PRKCB: variants seen among roughly 807,000 people sequenced by gnomAD.
PRKCB encodes the protein protein kinase C beta type.
PRKCB carries 13 observed loss-of-function variants against 81.5 expected under a neutral mutation model. The ratio of observed to expected loss-of-function variants is 0.16; its 90% CI spans 0.10 to 0.25. PRKCB has a LOEUF of 0.25. PRKCB is among the 10% of genes least tolerant of loss of function. The probability of loss-of-function intolerance (pLI) is 1.00; values close to 1 mark genes in which losing one functional copy is unlikely to be tolerated. For missense variants in PRKCB, 509 were observed against 875.7 expected (o/e 0.58, Z 5.29); for synonymous variants, 335 against 321.4 (o/e 1.04, Z -0.45).
chr16:24,176,928 A>G (rs1430244127), intron 12 of PRKCB, among the ~76,000 whole-genome samples: 1 of 151,832 alleles, frequency 6.6e-6, no homozygotes, highest in Non-Finnish European at 1.5e-5. Flanking sequence ...ATGATCCGCC[A>G]TATGACATGA....
chr16:24,172,588 G>A (rs1484401731), intron 11 of PRKCB, among the ~76,000 whole-genome samples: 1 of 152,066 alleles, frequency 6.6e-6, no homozygotes, highest in East Asian at 1.9e-4. Flanking sequence ...GCTCATACCT[G>A]TAATCTCAGT....
intron 3 of PRKCB, among the ~76,000 whole-genome samples, chr16:23,997,041 AC>A (rs1964966885): frequency 6.6e-6 from 1 of 152,132 alleles, no homozygotes; most frequent in South Asian, 2.1e-4. Flanking sequence ...TTTTCCCATG[AC>A]TTTATGCTCT....
At chr16:24,001,640 A>G (rs1965035635) in intron 3 of PRKCB, among the ~76,000 whole-genome samples, 1 of 152,276 alleles carries the variant, frequency 6.6e-6, no homozygotes, top group Non-Finnish European at 1.5e-5. Flanking sequence ...CCGAGAAAGA[A>G]ATGAAAACAT....
chr16:24,207,083 G>A (rs757360933), intron 16 of PRKCB, among the ~76,000 whole-genome samples: 18 of 152,138 alleles, frequency 1.2e-4, no homozygotes, highest in African/African-American at 2.4e-4. Context: ...GGCATGTGGC[G>A]TCATGCCCTG....
chr16:24,088,731 A>G (rs1024939307), intron 5 of PRKCB, among the ~76,000 whole-genome samples: 3 of 151,360 alleles, frequency 2.0e-5, no homozygotes, highest in Non-Finnish European at 4.4e-5. Context: ...AAAAAAAAAA[A>G]AAAAAATTGC....
chr16:23,973,564 T>C (rs932672670), intron 2 of PRKCB, among the ~76,000 whole-genome samples: 1 of 152,174 alleles, frequency 6.6e-6, no homozygotes, highest in African/African-American at 2.4e-5. Flanking sequence ...TACTTTATGG[T>C]TGAAAATAAC....
intron 2 of PRKCB, among the ~76,000 whole-genome samples, chr16:23,905,672 G>A (rs1264142646): frequency 5.3e-5 from 8 of 152,190 alleles, no homozygotes; most frequent in African/African-American, 2.4e-5. Context: ...CCAAGCATGT[G>A]CAACCTATGG....
intron 10 of PRKCB, among the ~76,000 whole-genome samples, chr16:24,172,002 C>T (rs1967448569): frequency 6.6e-6 from 1 of 152,186 alleles, no homozygotes; most frequent in South Asian, 2.1e-4. Context: ...CTCAGCCTCC[C>T]AAAGTGCTGG....
At position 24,028,816 on chromosome 16, in the gene PRKCB, T is replaced by C. The variant is rs541957952; in HGVS notation, c.289-3320T>C. On this transcript the variant is annotated intron_variant, in intron 3 of 16. Transcript: ENST00000643927. Reference sequence around the variant, plus strand: ...GGATATGGTTGTTGTTTTTTTTTTTTCCCCTTCTCTGTCACCCAGGCTGGA... The same window carrying C: ...GGATATGGTTGTTGTTTTTTTTTTTCCCCCTTCTCTGTCACCCAGGCTGGA... Among the ~76,000 whole-genome samples the C allele has an allele frequency of 3.2e-3, 494 of 152,022 alleles. 3 individuals carry two copies. The highest frequency in any genetic ancestry group is 0.026 in the East Asian group (132 of 5,174).
chr16:24,051,255 G>A (rs1307784327), intron 5 of PRKCB, among the ~76,000 whole-genome samples: 1 of 152,240 alleles, frequency 6.6e-6, no homozygotes, highest in Non-Finnish European at 1.5e-5. Flanking sequence ...TGCTGTTTCT[G>A]TGAGAAGGAG....
intron 2 of PRKCB, among the ~76,000 whole-genome samples, chr16:23,875,809 T>TCACA (rs1483444231): frequency 4.7e-5 from 4 of 85,602 alleles, no homozygotes; most frequent in African/African-American, 2.1e-4. Flanking sequence ...TGTGTGTATA[T>TCACA]CATATATATA....
chr16:24,200,475 A>G (rs1429723473), intron 16 of PRKCB, among the ~76,000 whole-genome samples: 1 of 152,208 alleles, frequency 6.6e-6, no homozygotes, highest in African/African-American at 2.4e-5. Context: ...TGAAGTTCCT[A>G]AATCAGTTTC....
chr16:23,962,465 C>T (rs966062386), intron 2 of PRKCB, among the ~76,000 whole-genome samples: 1 of 152,198 alleles, frequency 6.6e-6, no homozygotes, highest in Non-Finnish European at 1.5e-5. Context: ...GAACCCCTGG[C>T]CATATTTAGA....
intron 9 of PRKCB, among the ~76,000 whole-genome samples, chr16:24,150,869 G>A (rs1967069934): frequency 6.6e-6 from 1 of 152,162 alleles, no homozygotes; most frequent in African/African-American, 2.4e-5. Context: ...TTTTTGCTAT[G>A]CCTTATGCAT....
intron 5 of PRKCB, among the ~76,000 whole-genome samples, chr16:24,092,168 T>A (rs1966384196): frequency 6.6e-6 from 1 of 152,310 alleles, no homozygotes; most frequent in African/African-American, 2.4e-5. Flanking sequence ...AAGCAGTCAC[T>A]CCCCATTTCC....
At chr16:24,021,349 T>TCCCCCCCCCCCCCCCCCCCCCC (rs1965398793) in intron 3 of PRKCB, among the ~76,000 whole-genome samples, 1 of 29,598 alleles carries the variant, frequency 3.4e-5, no homozygotes, top group Admixed American at 4.7e-4. Flanking sequence ...CTTCCTTCCT[T>TCCCCCCCCCCCCCCCCCCCCCC]CCTTCCTCCT....
At chr16:23,957,450 A>G in intron 2 of PRKCB, among the ~76,000 whole-genome samples, 1 of 152,140 alleles carries the variant, frequency 6.6e-6, no homozygotes, top group East Asian at 1.9e-4. Flanking sequence ...AAAGTTGAGT[A>G]CCCACCCAAA....
At chr16:24,029,496 G>T (rs1443633999) in intron 3 of PRKCB, among the ~76,000 whole-genome samples, 2 of 152,088 alleles carry the variant, frequency 1.3e-5, no homozygotes, top group Non-Finnish European at 2.9e-5. Context: ...GTTTCTTGAG[G>T]CCTCCTCGTC....
intron 3 of PRKCB, among the ~76,000 whole-genome samples, chr16:24,008,412 T>C (rs1327574503): frequency 6.6e-6 from 1 of 152,240 alleles, no homozygotes; most frequent in African/African-American, 2.4e-5. Flanking sequence ...CCAAACAGGA[T>C]CAAATTGGCC....
Sources: allele counts gnomAD v4.1 joint callset (sites outside exome capture counted in the v4.1 genomes callset), GRCh38; gene constraint gnomAD v4.1.1; transcripts MANE v1.5; gene names NCBI Gene and HGNC (gene_info 2026-07-23, HGNC 2026-07-21).